SDK1: variants seen among roughly 807,000 people sequenced by gnomAD.
SDK1 encodes the protein protein sidekick-1.
Under a neutral mutation model 245.5 loss-of-function variants are expected in SDK1, and 157 were observed. The ratio of observed to expected loss-of-function variants is 0.64; its 90% CI spans 0.56 to 0.73. SDK1 has a LOEUF of 0.73. SDK1 is among the 30% of genes least tolerant of loss of function. SDK1 has a pLI of 0.00. For missense variants in SDK1, 3,583 were observed against 3,002.3 expected, an observed-to-expected ratio of 1.19 and a Z score of -4.52; for synonymous variants, 1,647 against 1,278.5, an observed-to-expected ratio of 1.29 and a Z score of -6.15.
At chr7:3,866,895 C>G (rs1270544740) in intron 5 of SDK1, among the ~76,000 whole-genome samples, 4 of 152,122 alleles carry the variant, frequency 2.6e-5, no homozygotes, top group Non-Finnish European at 5.9e-5. Context: ...AGCTGGACTG[C>G]CGAGAGAACA....
intron 17 of SDK1, among the ~76,000 whole-genome samples, chr7:4,018,922 C>G (rs1786649897): frequency 6.6e-6 from 1 of 152,168 alleles, no homozygotes; most frequent in Non-Finnish European, 1.5e-5. Flanking sequence ...TGAGTGTCCT[C>G]TAGCTCCAAA....
intron 29 of SDK1, among the ~76,000 whole-genome samples, chr7:4,148,041 G>A (rs1780101321): frequency 6.6e-6 from 1 of 151,974 alleles, no homozygotes; most frequent in Non-Finnish European, 1.5e-5. Flanking sequence ...TTTCCATTGG[G>A]GCCCCCATCC....
chr7:3,611,065 G>A (rs1781574098), intron 1 of SDK1, among the ~76,000 whole-genome samples: 1 of 152,162 alleles, frequency 6.6e-6, no homozygotes, highest in Non-Finnish European at 1.5e-5. Context: ...CTTTCATCCT[G>A]AAATGTCTGA....
rs374058826 is a variant in SDK1 at position 3,390,831 on chromosome 7, T to A, written c.298+88947T>A. On this transcript the variant is annotated intron_variant, in intron 1 of 44. Coordinates refer to ENST00000404826, the MANE Select transcript of SDK1 (RefSeq NM_152744.4). ...CTTCTGGCCTCCAGAGCTGAGAGAATAAATATCTGTTGTTTTAGGACATTC... is the reference window on the plus strand; with the variant it reads ...CTTCTGGCCTCCAGAGCTGAGAGAAAAAATATCTGTTGTTTTAGGACATTC... Among the ~76,000 whole-genome samples, 26 of 152,316 alleles carry A rather than the reference T, an allele frequency of 1.7e-4. No homozygotes were observed. The East Asian group carries it at 3.5e-3, about 20-fold the overall frequency.
chr7:3,506,758 C>G (rs1323845180), intron 1 of SDK1, among the ~76,000 whole-genome samples: 1 of 151,788 alleles, frequency 6.6e-6, no homozygotes, highest in East Asian at 1.9e-4. Context: ...GGGAGTATTC[C>G]AGTTCAGGTG....
intron 5 of SDK1, among the ~76,000 whole-genome samples, chr7:3,943,312 C>A (rs911851667): frequency 2.7e-5 from 2 of 73,384 alleles, no homozygotes; most frequent in African/African-American, 5.5e-5. Context: ...GGACTTCCCG[C>A]CTTCCCACCA....
chr7:3,953,305 C>T (rs1352613922), intron 7 of SDK1, among the ~76,000 whole-genome samples: 1 of 152,152 alleles, frequency 6.6e-6, no homozygotes, highest in African/African-American at 2.4e-5. Context: ...CTTGACTCTT[C>T]TAAATACAAT....
rs777199429 is a variant in SDK1 at position 4,012,549 on chromosome 7, C to CTTTTTTTTTTTTTTTTTTTTTTT, written c.2420+335_2420+357dup. 3.8e-4 allele frequency among the ~76,000 whole-genome samples: 10 copies of CTTTTTTTTTTTTTTTTTTTTTTT among 25,988 alleles called. 3 individuals carry two copies. Among genetic ancestry groups the CTTTTTTTTTTTTTTTTTTTTTTT allele is most frequent in the Non-Finnish European group, 9.0e-4 (9 of 10,038 alleles). 17.0% of individuals were successfully genotyped at this position (25,988 alleles called of 152,430 possible). ...GCAAGGTATATTGTTCAATGTGAAG[C>CTTTTTTTTTTTTTTTTTTTTTTT]TTTTTTTTTTTTTTTTTTTTTTTTT... On this transcript the variant is annotated intron_variant, in intron 16 of 44. Coordinates refer to ENST00000404826, the MANE Select transcript of SDK1 (RefSeq NM_152744.4).
rs141086725 is a variant in SDK1, at chr7:3,738,737, C to T, written c.714-82713C>T. 3.8e-3 allele frequency among the ~76,000 whole-genome samples: 585 copies of T among 152,006 alleles called. 1 individual carries two copies. The highest frequency in any genetic ancestry group is 6.0e-3 in the Non-Finnish European group (407 of 67,956). ...CTTTTGTAGTTTTCATAGTATGAGT[C>T]GTTTGCCTCCTTTCTTAAGTTTATT... On this transcript the variant is annotated intron_variant, in intron 4 of 44. Transcript: ENST00000404826.
chr7:3,803,927 G>A (rs1279951187), intron 4 of SDK1, among the ~76,000 whole-genome samples: 2 of 151,690 alleles, frequency 1.3e-5, no homozygotes, highest in African/African-American at 4.8e-5. Flanking sequence ...ACCACGCCTG[G>A]TTAATTTTTT....
At chr7:3,645,482 A>G (rs1373806236) in intron 4 of SDK1, among the ~76,000 whole-genome samples, 2 of 152,254 alleles carry the variant, frequency 1.3e-5, no homozygotes, top group African/African-American at 4.8e-5. Context: ...AAATTTATAC[A>G]TCGTCCAAAG....
intron 14 of SDK1, among the ~76,000 whole-genome samples, chr7:4,000,952 G>A (rs188239859): frequency 6.6e-5 from 10 of 152,252 alleles, no homozygotes; most frequent in Admixed American, 4.6e-4. Context: ...GCCCAGAGGG[G>A]GCTGAGGTCT....
intron 32 of SDK1, among the ~76,000 whole-genome samples, 155 bp from the exon 33 acceptor site, chr7:4,174,067 C>A (rs1782019495): frequency 6.6e-6 from 1 of 152,186 alleles, no homozygotes; most frequent in South Asian, 2.1e-4. Flanking sequence ...CTGGGAGCTG[C>A]CTGGGTTCGT....
Position 4,026,444 on chromosome 7 carries a change from AGAC to A in SDK1, c.2602+9096_2602+9098del. 6.6e-6 allele frequency among the ~76,000 whole-genome samples: 1 copy of A among 152,380 alleles called. No homozygotes were observed. The highest frequency in any genetic ancestry group is 1.5e-5 in the Non-Finnish European group (1 of 68,044). On this transcript the variant is annotated intron_variant, in intron 17 of 44. Coordinates refer to ENST00000404826, the MANE Select transcript of SDK1 (RefSeq NM_152744.4). This position sits in a 1 kb window ranked among gnomAD's most constrained non-coding sequence, Gnocchi z 4.1. ...CTTGTTCCTAACTGACTTCAGAGTC[AGAC>A]GACTGGCTTCACGAGGGCCCGGTGT... is the stretch of plus-strand genomic sequence containing the variant.
chr7:3,375,738 A>G (rs76630144), intron 1 of SDK1, among the ~76,000 whole-genome samples: 1 of 152,126 alleles, frequency 6.6e-6, no homozygotes, highest in Non-Finnish European at 1.5e-5. Context: ...CCATCTGGGA[A>G]GTGGATCCTC....
intron 1 of SDK1, among the ~76,000 whole-genome samples, chr7:3,509,730 C>T (rs764742230): frequency 6.6e-6 from 1 of 152,156 alleles, no homozygotes; most frequent in African/African-American, 2.4e-5. Context: ...AGCAGCCAGA[C>T]ATGGGTGTTT....
chr7:3,881,686 C>T (rs2128099596), intron 5 of SDK1, among the ~76,000 whole-genome samples: 1 of 152,332 alleles, frequency 6.6e-6, no homozygotes, highest in African/African-American at 2.4e-5. Context: ...AATTACCACA[C>T]TGTCTTCTAC....
At chr7:3,590,648 A>T (rs1780838042) in intron 1 of SDK1, among the ~76,000 whole-genome samples, 1 of 152,202 alleles carries the variant, frequency 6.6e-6, no homozygotes, top group Non-Finnish European at 1.5e-5. Flanking sequence ...GGTATCCTCC[A>T]GTTCCTTTTA....
intron 22 of SDK1, among the ~76,000 whole-genome samples, chr7:4,106,294 CT>C (rs915413839): frequency 6.7e-6 from 1 of 148,714 alleles, no homozygotes; most frequent in Non-Finnish European, 1.5e-5. Context: ...TCCCCCGTTT[CT>C]TTTTTTTCTT....
Sources: allele counts gnomAD v4.1 joint callset (sites outside exome capture counted in the v4.1 genomes callset), GRCh38; gene constraint gnomAD v4.1.1; non-coding constraint Gnocchi (gnomAD v3.1); transcripts MANE v1.5; gene names NCBI Gene and HGNC (gene_info 2026-07-23, HGNC 2026-07-21).